Variants in TMEM108 observed in about 807,000 individuals in gnomAD.
TMEM108 encodes transmembrane protein 108, also known as cancer/testis antigen 124.
Under a neutral mutation model 35.1 loss-of-function variants are expected in TMEM108, and 12 were observed. The observed-to-expected ratio is 0.34, with a 90% CI of 0.22 to 0.55. TMEM108 has a LOEUF of 0.55. Among genes scored for constraint, TMEM108 ranks in the 20% least tolerant of loss-of-function variants. The pLI is 0.89. For synonymous variants in TMEM108, 287 were observed against 308.6 expected, an observed-to-expected ratio of 0.93 and a Z score of 0.73; for missense variants, 680 against 753.3, an observed-to-expected ratio of 0.90 and a Z score of 1.14.
intron 2 of TMEM108, among the ~76,000 whole-genome samples, chr3:133,161,991 G>A (rs1944967877): frequency 1.3e-5 from 2 of 152,128 alleles, no homozygotes; most frequent in Admixed American, 1.3e-4. Context: ...AGTTGGGGGT[G>A]GTGGAAATGA....
At chr3:133,247,224 C>T (rs1376972784) in intron 3 of TMEM108, 5 of 152,058 alleles carry the variant, frequency 3.3e-5, no homozygotes, top group African/African-American at 4.8e-5. Context: ...CTTAGTTCAT[C>T]GTTATTTTTT....
intron 2 of TMEM108, among the ~76,000 whole-genome samples, chr3:133,167,355 A>G (rs1945055897): frequency 6.6e-6 from 1 of 152,262 alleles, no homozygotes; most frequent in South Asian, 2.1e-4. Context: ...ATCCTGCTCC[A>G]GGGCCATGGG....
chr3:133,370,115 T>C (rs1460062795), intron 3 of TMEM108, among the ~76,000 whole-genome samples: 1 of 151,764 alleles, frequency 6.6e-6, no homozygotes, highest in Admixed American at 6.6e-5. Flanking sequence ...TACATTATTA[T>C]TAACTGAAGT....
At chr3:133,392,313 C>T (rs113384944) in intron 5 of TMEM108, among the ~76,000 whole-genome samples, 8,762 of 152,086 alleles carry the variant, frequency 0.058, 258 homozygotes, top group Non-Finnish European at 0.063. Flanking sequence ...CAAGCACACG[C>T]GACCACGCCC....
chr3:133,374,481 T>G (rs2107824808), intron 3 of TMEM108, among the ~76,000 whole-genome samples: 1 of 151,930 alleles, frequency 6.6e-6, no homozygotes, highest in Middle Eastern at 3.4e-3. Context: ...ATATGCCTTG[T>G]GTGTATATAA....
intron 2 of TMEM108, among the ~76,000 whole-genome samples, chr3:133,069,666 G>A (rs533581389): frequency 3.9e-5 from 6 of 152,190 alleles, no homozygotes; most frequent in Admixed American, 6.5e-5. Context: ...GGCATCATGT[G>A]ATACTCCATT....
In TMEM108 at chr3:133,061,962, G is replaced by A. The variant is rs371956116; in HGVS notation, c.-47+15942G>A. Among the ~76,000 whole-genome samples the A allele has an allele frequency of 7.9e-5, 12 of 152,334 alleles. No homozygotes were observed. The South Asian group carries it at 2.3e-3, about 29-fold the overall frequency. On this transcript the variant is annotated intron_variant, in intron 2 of 5. Coordinates refer to ENST00000321871, the MANE Select transcript of TMEM108 (RefSeq NM_023943.4). The stretch of plus-strand genomic sequence containing the variant: ...ACCATTTAACTGAGTGTTGCTACCA[G>A]TTGGGGCATGTATTTTTCAAAAGGA...
intron 4 of TMEM108, among the ~76,000 whole-genome samples, chr3:133,385,025 A>G (rs1165442168): frequency 6.6e-6 from 1 of 152,198 alleles, no homozygotes; most frequent in Non-Finnish European, 1.5e-5. Flanking sequence ...ACAGTGGAGC[A>G]TTAGTGCAGC....
chr3:133,056,022 G>A (rs940731613), intron 2 of TMEM108, among the ~76,000 whole-genome samples: 7 of 151,198 alleles, frequency 4.6e-5, no homozygotes, highest in African/African-American at 1.2e-4. Flanking sequence ...TTAACTTTTG[G>A]TTTCCTCTGG....
chr3:133,059,541 G>A (rs1576296879), intron 2 of TMEM108, among the ~76,000 whole-genome samples: 2 of 152,150 alleles, frequency 1.3e-5, no homozygotes, highest in South Asian at 2.1e-4. Context: ...GAATGAAAGG[G>A]CTTTACTACT....
At chr3:133,300,779 A>AAAGGAGAT (rs1947210798) in intron 3 of TMEM108, among the ~76,000 whole-genome samples, 1 of 151,752 alleles carries the variant, frequency 6.6e-6, no homozygotes, top group East Asian at 1.9e-4. Context: ...GAGACTGATT[A>AAAGGAGAT]AAGGAGATGG....
intron 3 of TMEM108, among the ~76,000 whole-genome samples, chr3:133,275,812 G>GA (rs796642793): frequency 4.0e-4 from 61 of 151,226 alleles, no homozygotes; most frequent in African/African-American, 9.2e-4. Context: ...TGAGTAACAG[G>GA]AAAAAAAAAC....
chr3:133,261,512 A>G (rs752802959), intron 3 of TMEM108, among the ~76,000 whole-genome samples: 4 of 152,132 alleles, frequency 2.6e-5, no homozygotes, highest in African/African-American at 4.8e-5. Context: ...ACCTCTTCTC[A>G]CCTGCCCACT....
intron 3 of TMEM108, chr3:133,247,487 T>C (rs1216181148): frequency 6.6e-6 from 1 of 152,108 alleles, no homozygotes; most frequent in African/African-American, 2.4e-5. Flanking sequence ...GTTAAGGAAA[T>C]AGGGTAGGCC....
chr3:133,142,207 C>A, intron 2 of TMEM108, among the ~76,000 whole-genome samples: 1 of 152,070 alleles, frequency 6.6e-6, no homozygotes, highest in South Asian at 2.1e-4. Flanking sequence ...AATTCACAAA[C>A]CTGTTAGGTG....
chr3:133,233,867 G>A (rs1171093961), intron 3 of TMEM108, among the ~76,000 whole-genome samples: 1 of 151,672 alleles, frequency 6.6e-6, no homozygotes, highest in Non-Finnish European at 1.5e-5. Context: ...CATATCCTTT[G>A]CCCACTTTTT....
At chr3:133,064,858 G>T (rs1049709313) in intron 2 of TMEM108, among the ~76,000 whole-genome samples, 2 of 152,114 alleles carry the variant, frequency 1.3e-5, no homozygotes, top group Non-Finnish European at 2.9e-5. Context: ...CACTTATGCA[G>T]TATGTAAATA....
intron 3 of TMEM108, among the ~76,000 whole-genome samples, chr3:133,236,440 T>C (rs1007614745): frequency 6.6e-6 from 1 of 152,116 alleles, no homozygotes; most frequent in East Asian, 1.9e-4. Flanking sequence ...ATGGAGATCA[T>C]GTCTCAGTCT....
At chr3:133,057,435 GTATATATATA>G (rs56983894) in intron 2 of TMEM108, among the ~76,000 whole-genome samples, 1,058 of 45,210 alleles carry the variant, frequency 0.023, 11 homozygotes, top group South Asian at 0.037. Flanking sequence ...GTGTGTGTGT[GTATATATATA>G]TATATATATA....
Sources: allele counts gnomAD v4.1 joint callset (sites outside exome capture counted in the v4.1 genomes callset), GRCh38; gene constraint gnomAD v4.1.1; transcripts MANE v1.5; gene names NCBI Gene and HGNC (gene_info 2026-07-23, HGNC 2026-07-21).